Variants in RIMBP2 observed in about 807,000 individuals in gnomAD.
RIMBP2 encodes the protein RIMS-binding protein 2.
RIMBP2 carries 48 observed loss-of-function variants against 118.6 expected under a neutral mutation model. That is an observed-to-expected ratio of 0.40 (90% CI 0.32 to 0.51). RIMBP2 has a LOEUF of 0.51. Ranked by LOEUF, RIMBP2 falls within the 20% of genes least tolerant of loss-of-function variation. RIMBP2 has a pLI of 0.41. For missense variants in RIMBP2, 1,551 were observed against 1,768.3 expected, an observed-to-expected ratio of 0.88 and a Z score of 2.20; for synonymous variants, 762 against 742.9, an observed-to-expected ratio of 1.03 and a Z score of -0.42.
At position 130,475,210 on chromosome 12, in the gene RIMBP2, A is replaced by C. The variant is rs922440339; in HGVS notation, c.102+3702T>G. Among the ~76,000 whole-genome samples, 3 of 152,228 alleles carry C rather than the reference A, an allele frequency of 2.0e-5. No homozygotes were observed. The highest frequency in any genetic ancestry group is 7.2e-5 in the African/African-American group (3 of 41,450). On this transcript the variant is annotated intron_variant, in intron 5 of 22. Transcript: ENST00000690449. This position sits in a 1 kb window ranked among gnomAD's most constrained non-coding sequence, Gnocchi z 4.1. ...CCCATTTGTTTATTTCTCCGATTTA[A>C]CAAATGCTTTCCCTTTCACATGATC...
At chr12:130,593,640 C>T (rs1268282404) in intron 2 of RIMBP2, among the ~76,000 whole-genome samples, 1 of 152,160 alleles carries the variant, frequency 6.6e-6, no homozygotes, top group Non-Finnish European at 1.5e-5. Flanking sequence ...TCATGCATGT[C>T]CAGTCTGATT....
chr12:130,604,468 TCTCCA>T (rs2060050044), intron 2 of RIMBP2, among the ~76,000 whole-genome samples: 1 of 140,268 alleles, frequency 7.1e-6, no homozygotes, highest in Non-Finnish European at 1.5e-5. Flanking sequence ...TCACATTCAC[TCTCCA>T]CTCACTCACT....
chr12:130,451,447 C>T (rs2079005554), intron 7 of RIMBP2, 107 bp from the exon 8 acceptor site: 2 of 1,206,448 alleles, frequency 1.7e-6, no homozygotes, highest in African/African-American at 1.5e-5. Flanking sequence ...TGACAACAGC[C>T]ACTGATTTTC....
intron 1 of RIMBP2, among the ~76,000 whole-genome samples, chr12:130,676,371 C>T (rs1013503750): frequency 1.3e-3 from 186 of 148,054 alleles, no homozygotes; most frequent in Admixed American, 2.6e-3. Context: ...ACGCCTGTAA[C>T]ACCAGCACTT....
At chr12:130,615,533 A>T (rs2060877156) in intron 2 of RIMBP2, among the ~76,000 whole-genome samples, 1 of 150,404 alleles carries the variant, frequency 6.6e-6, no homozygotes, top group South Asian at 2.1e-4. Context: ...CTGGTCTTGA[A>T]CTCCTGGCCT....
chr12:130,646,064 TGCCTCTCCACC>T lies in RIMBP2; in HGVS notation c.-351-17619_-351-17609del, dbSNP rs1566421817. Among the ~76,000 whole-genome samples, 101 of 121,910 alleles carry T rather than the reference TGCCTCTCCACC, an allele frequency of 8.3e-4. 1 individual carries two copies. The highest frequency in any genetic ancestry group is 2.3e-3 in the East Asian group (10 of 4,290). The allele number at this position is 121,910 out of a possible 152,430, so 80.0% of individuals were successfully genotyped here. A position where few individuals can be genotyped will look rare whatever the true frequency, so the allele number is the denominator to read the frequency against. On this transcript the variant is annotated intron_variant, in intron 1 of 22. Coordinates refer to ENST00000690449, the MANE Select transcript of RIMBP2 (RefSeq NM_001393629.1). ...TTCCCTCTCCACCTCCCTCACCACC[TGCCTCTCCACC>T]TCCCTCACCACTTCCCTCTCCACCT...
chr12:130,523,280 A>T lies in RIMBP2; in HGVS notation c.-216-5363T>A, dbSNP rs2052373878. Among the ~76,000 whole-genome samples the T allele has an allele frequency of 6.6e-6, 1 of 152,184 alleles. No homozygotes were observed. Among genetic ancestry groups the T allele is most frequent in the African/African-American group, 2.4e-5 (1 of 41,444 alleles). On this transcript the variant is annotated intron_variant, in intron 2 of 22. Coordinates refer to ENST00000690449, the MANE Select transcript of RIMBP2 (RefSeq NM_001393629.1). This position sits in a 1 kb window ranked among gnomAD's most constrained non-coding sequence, Gnocchi z 4.4. ...CCGTGTGAGGACACAGTGAGAAAAC[A>T]GCCATCTGCAAGTCAAGAAGCGGCT...
At chr12:130,577,717 T>C (rs1373137794) in intron 2 of RIMBP2, among the ~76,000 whole-genome samples, 1 of 151,732 alleles carries the variant, frequency 6.6e-6, no homozygotes, top group African/African-American at 2.4e-5. Flanking sequence ...TTATCATCAT[T>C]ATATTGTTAT....
chr12:130,679,773 C>T (rs1373977227), intron 1 of RIMBP2, among the ~76,000 whole-genome samples: 1 of 152,262 alleles, frequency 6.6e-6, no homozygotes, highest in Non-Finnish European at 1.5e-5. Context: ...ACAAGCCAAA[C>T]TTCTCTCAAA....
At chr12:130,501,850 C>A (rs2049818235) in intron 4 of RIMBP2, among the ~76,000 whole-genome samples, 1 of 152,194 alleles carries the variant, frequency 6.6e-6, no homozygotes, top group Non-Finnish European at 1.5e-5. Context: ...CATCCTAAGC[C>A]CTGATTTGGG....
chr12:130,535,694 CATAT>C (rs1211320863), intron 2 of RIMBP2, among the ~76,000 whole-genome samples: 8 of 139,752 alleles, frequency 5.7e-5, no homozygotes, highest in Non-Finnish European at 9.2e-5. Context: ...TACACATATA[CATAT>C]ATATACACAT....
Position 130,621,535 on chromosome 12 carries a change from T to C in RIMBP2, c.-217+6787A>G, listed in dbSNP as rs1304503656. Among the ~76,000 whole-genome samples the C allele has an allele frequency of 6.6e-6, 1 of 152,204 alleles. No homozygotes were observed. The highest frequency in any genetic ancestry group is 1.9e-4 in the East Asian group (1 of 5,192). ...TTTGCTGAGGCTAGTTTGAGCTGGT[T>C]CTCTGTCATCTGAAATCTGAAGATC... is the stretch of plus-strand genomic sequence containing the variant. On this transcript the variant is annotated intron_variant, in intron 2 of 22. Transcript: ENST00000690449. The surrounding 1 kb of genome is among the most constrained non-coding windows in gnomAD (Gnocchi z 6.6).
chr12:130,649,868 TCA>T (rs2063154248), intron 1 of RIMBP2, among the ~76,000 whole-genome samples: 2 of 151,928 alleles, frequency 1.3e-5, no homozygotes, highest in African/African-American at 2.4e-5. Flanking sequence ...CCCCAGCACT[TCA>T]CACTCTGCGG....
chr12:130,478,453 C>A (rs1035743150), intron 5 of RIMBP2, among the ~76,000 whole-genome samples: 1 of 152,180 alleles, frequency 6.6e-6, no homozygotes, highest in African/African-American at 2.4e-5. Context: ...TGGGTCCAGT[C>A]CCTGTCCCCA....
rs977544736 is a variant in RIMBP2 at position 130,687,857 on chromosome 12, C to T, written c.-352+28365G>A. Among the ~76,000 whole-genome samples, 5 of 152,128 alleles carry T rather than the reference C, an allele frequency of 3.3e-5. No individual in the cohort carries two copies. In the South Asian group the frequency reaches 6.2e-4, roughly 19 times the overall value. ...TTGAACATAGAGTGTGCTTTGGGCACGTGCCTCAGGAAATGAGCTTGCAGC... is the reference window on the plus strand; with the variant it reads ...TTGAACATAGAGTGTGCTTTGGGCATGTGCCTCAGGAAATGAGCTTGCAGC... On this transcript the variant is annotated intron_variant, in intron 1 of 22. Transcript: ENST00000690449.
chr12:130,688,720 A>C lies in RIMBP2; in HGVS notation c.-352+27502T>G, dbSNP rs74774750. Among the ~76,000 whole-genome samples the C allele has an allele frequency of 3.8e-3, 584 of 152,340 alleles. 4 individuals carry two copies. Among genetic ancestry groups the C allele is most frequent in the African/African-American group, 0.013 (549 of 41,592 alleles). On this transcript the variant is annotated intron_variant, in intron 1 of 22. Transcript: ENST00000690449. The surrounding 1 kb of genome is among the most constrained non-coding windows in gnomAD (Gnocchi z 4.7). ...TAAAACCCCACATTCTAAAGACCCC[A>C]AAACAGAGGCCACATGGCCCCCTTG... is the stretch of plus-strand genomic sequence containing the variant.
rs532686237 is a variant in RIMBP2, at chr12:130,459,695, G to A, written c.154-2995C>T. 8.5e-5 allele frequency among the ~76,000 whole-genome samples: 13 copies of A among 152,286 alleles called. No homozygotes were observed. In the East Asian group the frequency reaches 2.5e-3, roughly 29 times the overall value. On this transcript the variant is annotated intron_variant, in intron 6 of 22. Coordinates refer to ENST00000690449, the MANE Select transcript of RIMBP2 (RefSeq NM_001393629.1). ...TGCGGGCTGCCTGCTTTTGTTTGCA[G>A]GAGGACAGGTCGTCGCAATACAGAG...
At chr12:130,533,014 G>GTT (rs1280247861) in intron 2 of RIMBP2, among the ~76,000 whole-genome samples, 5 of 114,500 alleles carry the variant, frequency 4.4e-5, no homozygotes, top group Admixed American at 9.5e-5. Flanking sequence ...CTCTAGGATG[G>GTT]ACGTCTAATG....
chr12:130,543,034 C>T (rs1189109425), intron 2 of RIMBP2, among the ~76,000 whole-genome samples: 1 of 152,170 alleles, frequency 6.6e-6, no homozygotes, highest in African/African-American at 2.4e-5. Flanking sequence ...CCCTTCCCGT[C>T]TCTCAGGGTT....
Sources: gnomAD v4.1 joint callset for allele counts (sites outside exome capture counted in the v4.1 genomes callset) on GRCh38, gnomAD v4.1.1 for gene constraint, Gnocchi (gnomAD v3.1) non-coding constraint, MANE v1.5 for transcripts, NCBI Gene and HGNC (gene_info 2026-07-23, HGNC 2026-07-21) for gene names.